The following ZKSCAN1 variants were observed in gnomAD, a reference collection of about 807,000 sequenced individuals.
ZKSCAN1 encodes the protein zinc finger protein with KRAB and SCAN domains 1.
In ZKSCAN1, 14 loss-of-function variants were observed where a neutral mutation model predicts 51.6. The observed-to-expected ratio is 0.27, with a 90% CI of 0.18 to 0.42. The LOEUF (loss-of-function observed/expected upper bound fraction) is 0.42, where lower values mean the gene tolerates loss of function less well. ZKSCAN1 is among the 10% of genes least tolerant of loss of function. The pLI is 1.00. For missense variants in ZKSCAN1, 531 were observed against 710.0 expected, an observed-to-expected ratio of 0.75 and a Z score of 2.86; for synonymous variants, 263 against 261.5, an observed-to-expected ratio of 1.01 and a Z score of -0.06.
Position 100,033,219 on chromosome 7 carries a change from A to G in ZKSCAN1, c.800-86A>G, listed in dbSNP as rs1392284915. 3.4e-6 allele frequency: 5 copies of G among 1,476,294 alleles called. No homozygotes were observed. The highest frequency in any genetic ancestry group is 4.9e-5 in the East Asian group (2 of 40,794). The allele number at this position is 1,476,294 out of a possible 1,614,324, so 91.4% of individuals were successfully genotyped here. ...TTGCAAAGTCATTTTGCAGCCGTGT[A>G]GAAGCTTCTCGGGAAACTGTCGCTT... is the stretch of plus-strand genomic sequence containing the variant. On this transcript the variant is annotated intron_variant, in intron 5 of 5. Transcript: ENST00000324306. The surrounding 1 kb of genome is among the most constrained non-coding windows in gnomAD (Gnocchi z 4.1).
chr7:100,035,965 C>G lies in ZKSCAN1; in HGVS notation c.*1768C>G, dbSNP rs1791343620. On this transcript the variant is annotated 3_prime_UTR_variant, in exon 6 of 6. Coordinates refer to ENST00000324306, the MANE Select transcript of ZKSCAN1 (RefSeq NM_003439.4). ...GACTGAGAACAAACCTCAAGACTATCAGTGTGACCTCCCCATAACAAGAGA... is the reference window on the plus strand; with the variant it reads ...GACTGAGAACAAACCTCAAGACTATGAGTGTGACCTCCCCATAACAAGAGA... 1.0e-6 allele frequency: 1 copy of G among 985,350 alleles called. No homozygotes were observed. The highest frequency in any genetic ancestry group is 4.7e-5 in the South Asian group (1 of 21,286). 61.0% of individuals were successfully genotyped at this position (985,350 alleles called of 1,614,324 possible).
Position 100,024,262 on chromosome 7 carries a change from C to G in ZKSCAN1, c.535C>G (p.His179Asp). 1 of 1,614,054 alleles carries G rather than the reference C, an allele frequency of 6.2e-7. No individual in the cohort carries two copies. The highest frequency in any genetic ancestry group is 1.7e-5 in the Admixed American group (1 of 60,006). Residue 179 changes from histidine to aspartate, a missense_variant, in exon 3 of 6, where the codon CAC (histidine) becomes GAC (aspartate). This residue lies in a region of ZKSCAN1 where 403 missense variants were observed against 490.5 expected (regional missense o/e 0.82). Coordinates refer to ENST00000324306, the MANE Select transcript of ZKSCAN1 (RefSeq NM_003439.4). ...FDLHHEATQS[H>D]FKHSSRKPRL... ...CCTTCATCACGAGGCCACCCAGTCC[C>G]ACTTCAAACATTCGTCTCGGAAACC...
intron 3 of ZKSCAN1, among the ~76,000 whole-genome samples, chr7:100,025,290 G>A (rs938753836): frequency 4.7e-5 from 7 of 147,858 alleles, no homozygotes; most frequent in Non-Finnish European, 1.0e-4. Context: ...TCACTGCACT[G>A]CAGCCTGGGT....
In ZKSCAN1 at chr7:100,035,217, C is replaced by T. The variant is rs1478741079; in HGVS notation, c.*1020C>T. The T allele has an allele frequency of 6.6e-6, 1 of 152,206 alleles. No individual in the cohort carries two copies. The highest frequency in any genetic ancestry group is 1.5e-5 in the Non-Finnish European group (1 of 68,036). The allele number at this position is 152,206 out of a possible 1,614,324, so 9.4% of individuals were successfully genotyped here. A position where few individuals can be genotyped will look rare whatever the true frequency, so the allele number is the denominator to read the frequency against. ...GAGTCCCTGAAATATGGTAGCCTGG[C>T]CCAGCTTCTAAAGAGGACCTTCGTA... is the stretch of plus-strand genomic sequence containing the variant. On this transcript the variant is annotated 3_prime_UTR_variant, in exon 6 of 6. Coordinates refer to ENST00000324306, the MANE Select transcript of ZKSCAN1 (RefSeq NM_003439.4).
intron 1 of ZKSCAN1, among the ~76,000 whole-genome samples, chr7:100,020,968 T>C (rs551579696): frequency 3.3e-5 from 5 of 152,044 alleles, no homozygotes; most frequent in African/African-American, 1.2e-4. Context: ...TGAATTTTTG[T>C]TGTTGAAATG....
rs558341415 is a variant in ZKSCAN1, at chr7:100,035,423, T to C, written c.*1226T>C. Reference sequence around the variant, plus strand: ...TATGAACACTGATGAAGGTCATTTTTTTTTTTTGACATCTTTCTGTGGCAA... The same window carrying C: ...TATGAACACTGATGAAGGTCATTTTCTTTTTTTGACATCTTTCTGTGGCAA... On this transcript the variant is annotated 3_prime_UTR_variant, in exon 6 of 6. Coordinates refer to ENST00000324306, the MANE Select transcript of ZKSCAN1 (RefSeq NM_003439.4). The C allele has an allele frequency of 1.3e-5, 2 of 152,350 alleles. No homozygotes were observed. Among genetic ancestry groups the C allele is most frequent in the African/African-American group, 4.8e-5 (2 of 41,588 alleles). The allele number at this position is 152,350 out of a possible 1,614,324, so 9.4% of individuals were successfully genotyped here.
Position 100,023,419 on chromosome 7 carries a change from G to C in ZKSCAN1, c.-88G>C. The C allele has an allele frequency of 7.0e-7, 1 of 1,424,244 alleles. No individual in the cohort carries two copies. The highest frequency in any genetic ancestry group is 9.5e-7 in the Non-Finnish European group (1 of 1,054,232). The allele number at this position is 1,424,244 out of a possible 1,614,324, so 88.2% of individuals were successfully genotyped here. A position where few individuals can be genotyped will look rare whatever the true frequency, so the allele number is the denominator to read the frequency against. On this transcript the variant is annotated splice_region_variant and 5_prime_UTR_variant, in exon 2 of 6. Transcript: ENST00000324306. ...TAATGACTTTTTTTTTATACTTCAG[G>C]AATAGTAAAGAAACACATCATAAAA...
At chr7:100,044,092 T>C (rs1358548018), downstream of ZKSCAN1, among the ~76,000 whole-genome samples, 1 of 152,110 alleles carries the variant, frequency 6.6e-6, no homozygotes, top group Non-Finnish European at 1.5e-5. Flanking sequence ...CTAATTACTC[T>C]TGATATTTAT....
chr7:100,033,872 C>T lies in ZKSCAN1; in HGVS notation c.1367C>T (p.Ser456Phe). 6.2e-7 allele frequency: 1 copy of T among 1,614,212 alleles called. No homozygotes were observed. The highest frequency in any genetic ancestry group is 1.1e-5 in the South Asian group (1 of 91,086). Residue 456 changes from serine (S) to phenylalanine (F), a missense_variant, in exon 6 of 6, where the codon TCT becomes TTT. Coordinates refer to ENST00000324306, the MANE Select transcript of ZKSCAN1 (RefSeq NM_003439.4). This position sits in a 1 kb window ranked among gnomAD's most constrained non-coding sequence, Gnocchi z 4.1. The part of the protein sequence containing the change: ...SNLILHQRIH[S>F]GEKPYECNEC... Reference sequence around the variant, plus strand: ...CTCATCCTCCATCAGCGCATCCACTCTGGAGAGAAACCTTATGAATGTAAT... The same window carrying T: ...CTCATCCTCCATCAGCGCATCCACTTTGGAGAGAAACCTTATGAATGTAAT...
Position 100,034,677 on chromosome 7 carries a change from C to T in ZKSCAN1, c.*480C>T, listed in dbSNP as rs74332524. 8.8e-3 allele frequency: 4,281 copies of T among 484,550 alleles called. 29 individuals are homozygous for T. The highest frequency in any genetic ancestry group is 0.021 in the Middle Eastern group (20 of 946). 30.0% of individuals were successfully genotyped at this position (484,550 alleles called of 1,614,324 possible). A position where few individuals can be genotyped will look rare whatever the true frequency, so the allele number is the denominator to read the frequency against. ...AAAACAAAAACGACATTGGGACATG[C>T]TGCTCAAGGTAGTTATATATACGAT... On this transcript the variant is annotated 3_prime_UTR_variant, in exon 6 of 6. Coordinates refer to ENST00000324306, the MANE Select transcript of ZKSCAN1 (RefSeq NM_003439.4).
At chr7:100,016,449 G>A (rs1016471554) in intron 1 of ZKSCAN1, among the ~76,000 whole-genome samples, 7 of 152,172 alleles carry the variant, frequency 4.6e-5, no homozygotes, top group South Asian at 2.1e-4. Context: ...GGGGTGAGAA[G>A]TGAAGGGAAT....
At position 100,029,826 on chromosome 7, in the gene ZKSCAN1, G is replaced by A. The variant is rs1178207840; in HGVS notation, c.581-35G>A. The A allele has an allele frequency of 5.0e-6, 8 of 1,600,838 alleles. No individual in the cohort carries two copies. In the East Asian group the frequency reaches 1.8e-4, roughly 36 times the overall value. ...TTCTTTGAGCAAGGCTCAGAGCGGA[G>A]CTGATTTACTCACAGACCCTTTCTC... On this transcript the variant is annotated intron_variant, in intron 3 of 5. Transcript: ENST00000324306.
intron 1 of ZKSCAN1, among the ~76,000 whole-genome samples, chr7:100,017,342 C>T (rs1033538837): frequency 2.5e-4 from 38 of 152,134 alleles, no homozygotes; most frequent in Admixed American, 2.4e-3. Context: ...CCTGCCTCCG[C>T]CTCCCGAATA....
chr7:100,024,469 C>T (rs1790731369), intron 3 of ZKSCAN1, 162 bp downstream of exon 3: 2 of 887,700 alleles, frequency 2.3e-6, no homozygotes, highest in South Asian at 1.8e-5. Flanking sequence ...TGGCGCACAC[C>T]TGTGATTCCA....
Position 100,034,645 on chromosome 7 carries a change from G to A in ZKSCAN1, c.*448G>A. ...TCCTGCTTATTTCTCAAAAAAGAGG[G>A]ACAGTGAAAACAAAAACGACATTGG... On this transcript the variant is annotated 3_prime_UTR_variant, in exon 6 of 6. Coordinates refer to ENST00000324306, the MANE Select transcript of ZKSCAN1 (RefSeq NM_003439.4). The A allele has an allele frequency of 1.2e-6, 1 of 862,756 alleles. No homozygotes were observed. The allele number at this position is 862,756 out of a possible 1,614,324, so 53.4% of individuals were successfully genotyped here.
rs879720056 is a variant in ZKSCAN1, at chr7:100,037,299, C to G, written c.*3102C>G. On this transcript the variant is annotated 3_prime_UTR_variant, in exon 6 of 6. Transcript: ENST00000324306. ...AAGAGTTTTTCAATATATACCCTAC[C>G]CTTGCCAGGAAGAGAAGTAAAATCC... 6.1e-6 allele frequency: 6 copies of G among 985,212 alleles called. No individual in the cohort carries two copies. Among genetic ancestry groups the G allele is most frequent in the Non-Finnish European group, 7.2e-6 (6 of 829,934 alleles). 61.0% of individuals were successfully genotyped at this position (985,212 alleles called of 1,614,324 possible). A position where few individuals can be genotyped will look rare whatever the true frequency, so the allele number is the denominator to read the frequency against.
At chr7:100,044,719 A>C (rs1243426548), downstream of ZKSCAN1, 1 of 841,614 alleles carries the variant, frequency 1.2e-6, no homozygotes, top group East Asian at 1.2e-4. Flanking sequence ...GCACTGAATA[A>C]TTTTTTTCAT....
At chr7:100,025,616 T>C (rs1365429192) in intron 3 of ZKSCAN1, among the ~76,000 whole-genome samples, 1 of 152,200 alleles carries the variant, frequency 6.6e-6, no homozygotes, top group Non-Finnish European at 1.5e-5. Context: ...CAATGTTAAG[T>C]GATTTTGTTG....
chr7:100,044,492 T>A (rs935465235), downstream of ZKSCAN1, among the ~76,000 whole-genome samples: 1 of 151,254 alleles, frequency 6.6e-6, no homozygotes, highest in African/African-American at 2.4e-5. Context: ...ACGGTGAAAC[T>A]CCGTCTCTAC....
Sources: allele counts gnomAD v4.1 joint callset (sites outside exome capture counted in the v4.1 genomes callset), GRCh38; gene constraint gnomAD v4.1.1; regional missense constraint gnomAD v4.1.1; non-coding constraint Gnocchi (gnomAD v3.1); transcripts MANE v1.5; gene names NCBI Gene and HGNC (gene_info 2026-07-23, HGNC 2026-07-21).